The following PCDH11X variants were observed in gnomAD, a reference collection of about 807,000 sequenced individuals.
PCDH11X encodes the protein protocadherin 11 X-linked.
Under a neutral mutation model 53.3 loss-of-function variants are expected in PCDH11X, and 18 were observed. The observed-to-expected ratio is 0.34, with a 90% CI of 0.23 to 0.50. The LOEUF is 0.50. Among genes scored for constraint, PCDH11X ranks in the 20% least tolerant of loss-of-function variants. The probability of loss-of-function intolerance (pLI) is 0.98; values close to 1 mark genes in which losing one functional copy is unlikely to be tolerated. For missense variants in PCDH11X, 570 were observed against 1,032.4 expected (o/e 0.55, Z 6.14); for synonymous variants, 279 against 393.3 (o/e 0.71, Z 3.44).
chrX:92,403,257 T>C (rs1329245279), intron 9 of PCDH11X, among the ~76,000 whole-genome samples: 1 of 109,708 alleles, frequency 9.1e-6, no homozygotes, highest in Non-Finnish European at 1.9e-5. Flanking sequence ...ATGAGTTGTT[T>C]CATGTGTCAT....
chrX:91,934,829 T>C (rs1227241456), intron 6 of PCDH11X, among the ~76,000 whole-genome samples: 2 of 107,731 alleles, frequency 1.9e-5, no homozygotes, highest in Admixed American at 2.0e-4. Context: ...TTGTTATTCT[T>C]CATTGAATTA....
chrX:92,242,271 C>A (rs895745084), intron 7 of PCDH11X, among the ~76,000 whole-genome samples: 11 of 111,041 alleles, frequency 9.9e-5, no homozygotes, highest in Admixed American at 2.9e-4. Context: ...GTAAGCCAGG[C>A]ATGTTGGTAC....
chrX:92,096,945 A>G (rs542136587), intron 6 of PCDH11X, among the ~76,000 whole-genome samples: 11 of 111,892 alleles, frequency 9.8e-5, no homozygotes, highest in African/African-American at 3.6e-4. Context: ...AAAAGTTAGG[A>G]TTAAAGTGGA....
intron 10 of PCDH11X, among the ~76,000 whole-genome samples, chrX:92,597,005 ACT>A (rs1247123455): frequency 1.8e-5 from 2 of 111,196 alleles, no homozygotes; most frequent in Non-Finnish European, 3.8e-5. Flanking sequence ...AATGAGAAAA[ACT>A]CTGAAAAACT....
At chrX:92,110,473 A>T (rs2064478680) in intron 6 of PCDH11X, among the ~76,000 whole-genome samples, 1 of 108,289 alleles carries the variant, frequency 9.2e-6, no homozygotes, top group African/African-American at 3.4e-5. Context: ...TCCAAAGATG[A>T]TTTTGAGGGC....
At chrX:92,108,952 C>T (rs192346884) in intron 6 of PCDH11X, among the ~76,000 whole-genome samples, 7 of 111,794 alleles carry the variant, frequency 6.3e-5, no homozygotes, top group Admixed American at 2.9e-4. Flanking sequence ...TAGACAGAGA[C>T]GATTTATTAA....
chrX:92,145,878 CTT>C (rs1301977591), intron 6 of PCDH11X, among the ~76,000 whole-genome samples: 1 of 107,397 alleles, frequency 9.3e-6, no homozygotes, highest in East Asian at 2.9e-4. Context: ...TTCAGTTCCA[CTT>C]TCTTAGAAAC....
At chrX:92,584,515 G>T (rs1468464836) in intron 10 of PCDH11X, among the ~76,000 whole-genome samples, 4 of 110,905 alleles carry the variant, frequency 3.6e-5, no homozygotes, top group Non-Finnish European at 7.6e-5. Context: ...ATTTAGAAGA[G>T]ATAGACACAT....
chrX:92,500,858 A>G (rs1244960287), intron 10 of PCDH11X, among the ~76,000 whole-genome samples: 1 of 108,170 alleles, frequency 9.2e-6, no homozygotes, highest in African/African-American at 3.4e-5. Context: ...ACAGAAGACA[A>G]TAATTAACCA....
chrX:92,311,671 A>T (rs1219746417), intron 8 of PCDH11X, among the ~76,000 whole-genome samples: 3 of 110,790 alleles, frequency 2.7e-5, no homozygotes, highest in Non-Finnish European at 3.8e-5. Flanking sequence ...TTTTTTCCAC[A>T]GTAGCTCACA....
chrX:91,820,688 T>A (rs1367845351), intron 4 of PCDH11X, among the ~76,000 whole-genome samples: 3 of 102,300 alleles, frequency 2.9e-5, no homozygotes, highest in African/African-American at 8.9e-5. Flanking sequence ...TAGATCCCAT[T>A]TGTCAATTTT....
At chrX:92,477,377 A>G (rs1256157085) in intron 10 of PCDH11X, among the ~76,000 whole-genome samples, 1 of 103,732 alleles carries the variant, frequency 9.6e-6, no homozygotes, top group Non-Finnish European at 2.0e-5. Flanking sequence ...CCCTGTGGCC[A>G]CTGCCAACAT....
At chrX:92,596,434 A>G (rs1320881578) in intron 10 of PCDH11X, among the ~76,000 whole-genome samples, 1 of 106,675 alleles carries the variant, frequency 9.4e-6, no homozygotes. Context: ...ATGAGGAACT[A>G]TATGCCAAAA....
At chrX:92,519,610 G>A (rs2750922) in intron 10 of PCDH11X, among the ~76,000 whole-genome samples, 6 of 110,426 alleles carry the variant, frequency 5.4e-5, no homozygotes, top group Middle Eastern at 5.0e-3. Flanking sequence ...TAGTGACGTC[G>A]TATTCTTTGT....
intron 6 of PCDH11X, among the ~76,000 whole-genome samples, chrX:92,188,262 A>G (rs1039715463): frequency 4.5e-5 from 5 of 111,086 alleles, no homozygotes; most frequent in African/African-American, 1.6e-4. Flanking sequence ...CTCGTTATTG[A>G]TTGATTTATT....
chrX:92,310,064 G>T (rs1321767831), intron 8 of PCDH11X, among the ~76,000 whole-genome samples: 1 of 111,209 alleles, frequency 9.0e-6, no homozygotes, highest in Non-Finnish European at 1.9e-5. Flanking sequence ...GGGTTTTTTT[G>T]CTCTGTTTTT....
chrX:92,294,149 T>G (rs1282449883), intron 8 of PCDH11X, among the ~76,000 whole-genome samples: 1 of 110,625 alleles, frequency 9.0e-6, no homozygotes, highest in Non-Finnish European at 1.9e-5. Context: ...TTCATTTATT[T>G]ATTTATTTTG....
intron 6 of PCDH11X, among the ~76,000 whole-genome samples, chrX:91,923,207 G>A (rs980302904): frequency 1.0e-5 from 1 of 98,286 alleles, no homozygotes; most frequent in African/African-American, 3.8e-5. Flanking sequence ...GTTGACAAGG[G>A]GTGGACGTGT....
intron 10 of PCDH11X, among the ~76,000 whole-genome samples, chrX:92,509,581 C>T (rs1207850236): frequency 9.0e-6 from 1 of 111,648 alleles, no homozygotes; most frequent in Non-Finnish European, 1.9e-5. Context: ...ATAACACCTT[C>T]CCTGTTATTT....
Sources: gnomAD v4.1 joint callset for allele counts (sites outside exome capture counted in the v4.1 genomes callset) on GRCh38, gnomAD v4.1.1 for gene constraint, MANE v1.5 for transcripts, NCBI Gene and HGNC (gene_info 2026-07-23, HGNC 2026-07-21) for gene names.